The following SLC43A1 variants were observed in gnomAD, a reference collection of about 807,000 sequenced individuals.
The protein encoded by SLC43A1 is large neutral amino acids transporter small subunit 3.
Under a neutral mutation model 59.5 loss-of-function variants are expected in SLC43A1, and 31 were observed. The ratio of observed to expected loss-of-function variants is 0.52; its 90% CI spans 0.39 to 0.70. SLC43A1 has a LOEUF of 0.70. Among genes scored for constraint, SLC43A1 ranks in the 30% least tolerant of loss-of-function variants. SLC43A1 has a pLI of 0.00. For synonymous variants in SLC43A1, 259 were observed against 290.9 expected (o/e 0.89, Z 1.12); for missense variants, 598 against 717.8 (o/e 0.83, Z 1.91).
At position 57,485,049 on chromosome 11, in the gene SLC43A1, GCT is replaced by G; in HGVS notation, c.*45_*46del. ...GCCATATGGGGCACTCCTTTTGGTT[GCT>G]CAGGCCTTGATTGCCTGTCATCCAG... On this transcript the variant is annotated 3_prime_UTR_variant, in exon 15 of 15. Transcript: ENST00000278426. 2.5e-6 allele frequency: 4 copies of G among 1,572,894 alleles called. No homozygotes were observed. The highest frequency in any genetic ancestry group is 3.4e-6 in the Non-Finnish European group (4 of 1,162,078).
intron 4 of SLC43A1, 33 bp from the exon 5 acceptor site, chr11:57,500,888 T>C: frequency 1.2e-6 from 2 of 1,612,314 alleles, no homozygotes; most frequent in Non-Finnish European, 1.7e-6. Flanking sequence ...TGAGGGCATT[T>C]GGGGAGCTGT....
intron 2 of SLC43A1, among the ~76,000 whole-genome samples, chr11:57,502,015 G>A (rs1944281741): frequency 6.6e-6 from 1 of 152,240 alleles, no homozygotes; most frequent in Non-Finnish European, 1.5e-5. Flanking sequence ...AGGTGATGAA[G>A]CTGAGGCACA....
chr11:57,498,108 G>T (rs536423430), intron 5 of SLC43A1, among the ~76,000 whole-genome samples: 1 of 152,100 alleles, frequency 6.6e-6, no homozygotes, highest in African/African-American at 2.4e-5. Flanking sequence ...AGTTTGTTAC[G>T]TAACACCTCT....
chr11:57,507,500 G>A lies in SLC43A1; in HGVS notation c.155-6171C>T, dbSNP rs550012173. Among the ~76,000 whole-genome samples the A allele has an allele frequency of 9.9e-5, 15 of 152,148 alleles. No individual in the cohort carries two copies. The East Asian group carries it at 2.3e-3, about 23-fold the overall frequency. On this transcript the variant is annotated intron_variant, in intron 2 of 14. Coordinates refer to ENST00000278426, the MANE Select transcript of SLC43A1 (RefSeq NM_003627.6). ...AAAAATAAAAAATAAAAAATTAGCC[G>A]TGCGTGGTGGTACATGCCTGTGGTC...
In SLC43A1 at chr11:57,496,014, C is replaced by A. The variant is rs1258294133; in HGVS notation, c.692+17G>T. On this transcript the variant is annotated intron_variant, in intron 7 of 14. Transcript: ENST00000278426. ...TCTCTGCCCCAGGGAGAGTCTCTGC[C>A]CACTCCAGCCACTCACGTGTAATTG... The A allele has an allele frequency of 6.2e-7, 1 of 1,613,178 alleles. No homozygotes were observed. Among genetic ancestry groups the A allele is most frequent in the Non-Finnish European group, 8.5e-7 (1 of 1,179,514 alleles).
intron 8 of SLC43A1, among the ~76,000 whole-genome samples, chr11:57,492,569 TA>T (rs1943957167): frequency 6.2e-5 from 1 of 16,204 alleles, no homozygotes; most frequent in Non-Finnish European, 1.1e-4. Context: ...TATATATATA[TA>T]TATAAAAAAA....
At chr11:57,503,918 G>A (rs900731705) in intron 2 of SLC43A1, among the ~76,000 whole-genome samples, 1 of 152,134 alleles carries the variant, frequency 6.6e-6, no homozygotes, top group African/African-American at 2.4e-5. Flanking sequence ...GATCGGCCAG[G>A]TGCGGTGGCT....
At chr11:57,508,666 T>G (rs1471075427) in intron 2 of SLC43A1, among the ~76,000 whole-genome samples, 1 of 151,928 alleles carries the variant, frequency 6.6e-6, no homozygotes, top group Non-Finnish European at 1.5e-5. Flanking sequence ...TGGAAGCACA[T>G]GCCTGTAATC....
intron 2 of SLC43A1, among the ~76,000 whole-genome samples, chr11:57,508,916 A>C (rs767090892): frequency 6.6e-6 from 1 of 152,132 alleles, no homozygotes; most frequent in African/African-American, 2.4e-5. Flanking sequence ...CGGGAGTTCC[A>C]GAAAAGCCTG....
Position 57,484,943 on chromosome 11 carries a change from G to T in SLC43A1, c.*153C>A. 5.4e-6 allele frequency: 5 copies of T among 932,642 alleles called. No homozygotes were observed. The highest frequency in any genetic ancestry group is 2.1e-5 in the South Asian group (1 of 47,250). The allele number at this position is 932,642 out of a possible 1,614,324, so 57.8% of individuals were successfully genotyped here. ...TTGAAGGTTTTTTTTCCTCCTTTTT[G>T]CAGTCTTTACAAAAATAGAACTTCT... On this transcript the variant is annotated 3_prime_UTR_variant, in exon 15 of 15. Coordinates refer to ENST00000278426, the MANE Select transcript of SLC43A1 (RefSeq NM_003627.6).
rs955472246 is a variant in SLC43A1, at chr11:57,514,368, G to A, written c.-13-244C>T. 6.2e-5 allele frequency: 31 copies of A among 498,920 alleles called. No individual in the cohort carries two copies. Among genetic ancestry groups the A allele is most frequent in the African/African-American group, 5.9e-4 (30 of 51,174 alleles). 30.9% of individuals were successfully genotyped at this position (498,920 alleles called of 1,614,324 possible). A position where few individuals can be genotyped will look rare whatever the true frequency, so the allele number is the denominator to read the frequency against. On this transcript the variant is annotated intron_variant, in intron 1 of 14. Transcript: ENST00000278426. The surrounding 1 kb of genome is among the most constrained non-coding windows in gnomAD (Gnocchi z 5.5). ...ATCGGAAACAAGGAAGGTCCTGTCT[G>A]CGCGCTGCAGCTTCCTAGCAGGCTG... is the stretch of plus-strand genomic sequence containing the variant.
intron 7 of SLC43A1, among the ~76,000 whole-genome samples, chr11:57,495,128 A>G (rs528381397): frequency 7.9e-5 from 12 of 151,892 alleles, no homozygotes; most frequent in African/African-American, 2.9e-4. Flanking sequence ...GATTATAGGC[A>G]TGACCCACTG....
chr11:57,503,145 CAG>C (rs1054173722), intron 2 of SLC43A1, among the ~76,000 whole-genome samples: 12 of 152,056 alleles, frequency 7.9e-5, no homozygotes, highest in Non-Finnish European at 1.3e-4. Flanking sequence ...TCCTGGACAA[CAG>C]AGAGTCTTCT....
chr11:57,492,414 G>A lies in SLC43A1; in HGVS notation c.872-552C>T, dbSNP rs1943936002. On this transcript the variant is annotated intron_variant, in intron 8 of 14. Transcript: ENST00000278426. Reference sequence around the variant, plus strand: ...ACCAGCCTGGTGGTCAACATAGCAAGACCCTATCTCTAAAAAATATATATA... The same window carrying A: ...ACCAGCCTGGTGGTCAACATAGCAAAACCCTATCTCTAAAAAATATATATA... 1.0e-4 allele frequency among the ~76,000 whole-genome samples: 13 copies of A among 128,536 alleles called. No individual in the cohort carries two copies. In the South Asian group the frequency reaches 3.2e-3, roughly 31 times the overall value. The allele number at this position is 128,536 out of a possible 152,430, so 84.3% of individuals were successfully genotyped here.
intron 2 of SLC43A1, among the ~76,000 whole-genome samples, chr11:57,509,617 G>GGAAGGAAT (rs1355733097): frequency 7.7e-6 from 1 of 130,446 alleles, no homozygotes; most frequent in Admixed American, 7.9e-5. Flanking sequence ...AAGGAAGGAA[G>GGAAGGAAT]GAAGGAAGGA....
intron 11 of SLC43A1, 63 bp downstream of exon 11, chr11:57,491,159 GCA>G (rs1035018571): frequency 8.5e-5 from 125 of 1,463,940 alleles, no homozygotes; most frequent in Middle Eastern, 1.8e-4. Flanking sequence ...GGATGTAAAC[GCA>G]CAGAGAAAAT....
chr11:57,507,995 G>A (rs1256082567), intron 2 of SLC43A1, among the ~76,000 whole-genome samples: 2 of 152,154 alleles, frequency 1.3e-5, no homozygotes, highest in Non-Finnish European at 2.9e-5. Flanking sequence ...TGCCAGGCAC[G>A]GTGGCTCACG....
rs750202329 is a variant in SLC43A1, at chr11:57,501,153, T to G, written c.331A>C (p.Ser111Arg). 45 of 1,608,976 alleles carry G rather than the reference T, an allele frequency of 2.8e-5. No individual in the cohort carries two copies. Among genetic ancestry groups the G allele is most frequent in the Non-Finnish European group, 3.7e-5 (43 of 1,177,694 alleles). Reference sequence around the variant, plus strand: ...TTCCCCATAGCCCAGCCACCTCACCTGCCAACCAGCCGCACGGGTCGGGGG... The same window carrying G: ...TTCCCCATAGCCCAGCCACCTCACCGGCCAACCAGCCGCACGGGTCGGGGG... ...FGPRPVRLVGSACFTASCTLM... is the reference protein window; with the variant it reads ...FGPRPVRLVGRACFTASCTLM... Residue 111 changes from serine to arginine, a missense_variant and splice_region_variant, in exon 3 of 15, where the codon AGT (serine) becomes CGT (arginine). By Grantham distance (110) the Ser-to-Arg change is moderately radical. Coordinates refer to ENST00000278426, the MANE Select transcript of SLC43A1 (RefSeq NM_003627.6).
intron 11 of SLC43A1, among the ~76,000 whole-genome samples, chr11:57,489,856 G>A (rs540610703): frequency 6.6e-6 from 1 of 152,346 alleles, no homozygotes; most frequent in East Asian, 1.9e-4. Context: ...GGGGACAGCA[G>A]CTTGGCCTGA....
Sources: allele counts gnomAD v4.1 joint callset (sites outside exome capture counted in the v4.1 genomes callset), GRCh38; gene constraint gnomAD v4.1.1; non-coding constraint Gnocchi (gnomAD v3.1); transcripts MANE v1.5; gene names NCBI Gene and HGNC (gene_info 2026-07-23, HGNC 2026-07-21).